The following VPS13C variants were observed in gnomAD, a reference collection of about 807,000 sequenced individuals.
VPS13C encodes the protein vacuolar protein sorting 13 homolog C.
Under a neutral mutation model 456.8 loss-of-function variants are expected in VPS13C, and 358 were observed. The observed-to-expected ratio is 0.78, with a 90% CI of 0.72 to 0.86. VPS13C has a LOEUF of 0.86. VPS13C is among the 40% of genes least tolerant of loss of function. VPS13C has a pLI of 0.00. For missense variants in VPS13C, 4,818 were observed against 4,385.4 expected (o/e 1.10, Z -2.79); for synonymous variants, 1,578 against 1,486.7 (o/e 1.06, Z -1.41).
At chr15:61,983,783 T>C (rs1567073325) in intron 20 of VPS13C, 37 bp downstream of exon 20, 1 of 1,590,138 alleles carries the variant, frequency 6.3e-7, no homozygotes, top group African/African-American at 1.3e-5. Flanking sequence ...AAGCATAAGA[T>C]GATTTAAATA....
intron 66 of VPS13C, among the ~76,000 whole-genome samples, chr15:61,894,317 A>T (rs924715059): frequency 6.6e-6 from 1 of 151,128 alleles, no homozygotes; most frequent in Non-Finnish European, 1.5e-5. Context: ...CAAAACAAAA[A>T]GCAGAAAAAA....
At chr15:62,006,528 A>T (rs1005944358) in intron 15 of VPS13C, among the ~76,000 whole-genome samples, 2 of 152,132 alleles carry the variant, frequency 1.3e-5, no homozygotes, top group African/African-American at 4.8e-5. Context: ...GATTGGTTCC[A>T]AGTCTTTGCT....
intron 67 of VPS13C, among the ~76,000 whole-genome samples, chr15:61,887,698 A>AATAC (rs980183112): frequency 2.6e-5 from 4 of 152,124 alleles, no homozygotes; most frequent in African/African-American, 9.7e-5. Flanking sequence ...CTCAAAAATA[A>AATAC]ATACATACAT....
rs75399769 is a variant in VPS13C, at chr15:62,038,040, G to T, written c.188-2988C>A. Reference sequence around the variant, plus strand: ...TACAGAATATTGAATAAAGAAAAAAGTGATATAGCGTAATAGCAGGGTGAT... The same window carrying T: ...TACAGAATATTGAATAAAGAAAAAATTGATATAGCGTAATAGCAGGGTGAT... On this transcript the variant is annotated intron_variant, in intron 3 of 84. Transcript: ENST00000644861. Among the ~76,000 whole-genome samples, 1,489 of 152,202 alleles carry T rather than the reference G, an allele frequency of 9.8e-3. 9 individuals are homozygous for T. Among genetic ancestry groups the T allele is most frequent in the Non-Finnish European group, 0.017 (1,126 of 67,998 alleles).
chr15:62,029,973 A>T lies in VPS13C; in HGVS notation c.386-1553T>A, dbSNP rs76798397. Among the ~76,000 whole-genome samples, 140 of 152,236 alleles carry T rather than the reference A, an allele frequency of 9.2e-4. 3 individuals are homozygous for T. In the East Asian group the frequency reaches 0.027, roughly 29 times the overall value. On this transcript the variant is annotated intron_variant, in intron 5 of 84. Coordinates refer to ENST00000644861, the MANE Select transcript of VPS13C (RefSeq NM_020821.3). ...AGGAAACAAAAAAGGCAAAGGACCCAGGAAACAGGGAATTAAACATAGACG... is the reference window on the plus strand; with the variant it reads ...AGGAAACAAAAAAGGCAAAGGACCCTGGAAACAGGGAATTAAACATAGACG...
rs754570386 is a variant in VPS13C, at chr15:62,044,273, A to G, written c.101-18T>C. On this transcript the variant is annotated intron_variant, in intron 1 of 84. Coordinates refer to ENST00000644861, the MANE Select transcript of VPS13C (RefSeq NM_020821.3). ...CACATTTCCTTTAAAAAAAGAAAAC[A>G]AAGAAAAATATTACTATAACATACC... 7.0e-7 allele frequency: 1 copy of G among 1,419,442 alleles called. No individual in the cohort carries two copies. Among genetic ancestry groups the G allele is most frequent in the African/African-American group, 1.4e-5 (1 of 69,458 alleles). The allele number at this position is 1,419,442 out of a possible 1,614,324, so 87.9% of individuals were successfully genotyped here.
intron 58 of VPS13C, among the ~76,000 whole-genome samples, chr15:61,918,687 C>G (rs1368989238): frequency 6.6e-6 from 1 of 151,898 alleles, no homozygotes; most frequent in African/African-American, 2.4e-5. Flanking sequence ...AAATAACAAA[C>G]TATAAGATAA....
chr15:62,008,872 G>T (rs1294153303), intron 13 of VPS13C, 111 bp from the exon 14 acceptor site: 2 of 498,798 alleles, frequency 4.0e-6, no homozygotes, highest in East Asian at 3.4e-5. Flanking sequence ...GAACAATGTT[G>T]CCTGGTAGTC....
Position 61,929,504 on chromosome 15 carries a change from T to C in VPS13C, c.6283A>G (p.Lys2095Glu). The change falls in exon 51 of 85, where the codon AAA becomes GAA. Residue 2095 changes from lysine to glutamate, a missense_variant. Lys to Glu is a moderately conservative substitution (Grantham distance 56). Coordinates refer to ENST00000644861, the MANE Select transcript of VPS13C (RefSeq NM_020821.3). ...ATGACAGATAAATTCTGCTAACCTT[T>C]CTCTATCTTGACCTTCCCTGTGGCA... ...QTATGKVKIE[K>E]DDSVRPNMTL... 6.2e-7 allele frequency: 1 copy of C among 1,613,130 alleles called. No individual in the cohort carries two copies. The highest frequency in any genetic ancestry group is 8.5e-7 in the Non-Finnish European group (1 of 1,179,176).
chr15:61,861,928 C>T (rs547471247), intron 82 of VPS13C, among the ~76,000 whole-genome samples: 7 of 152,078 alleles, frequency 4.6e-5, no homozygotes, highest in African/African-American at 1.4e-4. Context: ...AACAAAACCC[C>T]GTCTCTAATA....
At position 61,913,313 on chromosome 15, in the gene VPS13C, G is replaced by A. The variant is rs1425679253; in HGVS notation, c.8548C>T (p.Leu2850=). The A allele has an allele frequency of 6.8e-6, 11 of 1,613,238 alleles. No homozygotes were observed. Among genetic ancestry groups the A allele is most frequent in the South Asian group, 2.2e-5 (2 of 91,044 alleles). ...TAAATAAGGAAGCAGAATCTTACCAGGTACTCCATATTGTTGGCAGGACAC... is the reference window on the plus strand; with the variant it reads ...TAAATAAGGAAGCAGAATCTTACCAAGTACTCCATATTGTTGGCAGGACAC... The part of the protein sequence containing the change: ...VKCPANNMEY[L]VGVSIKMSSF... The change falls in exon 62 of 85, where the codon CTG becomes TTG. Residue 2850 remains leucine (L), a splice_region_variant and synonymous_variant. Transcript: ENST00000644861.
intron 1 of VPS13C, among the ~76,000 whole-genome samples, chr15:62,055,234 C>CT (rs111700043): frequency 0.082 from 12,083 of 148,164 alleles, 1,011 homozygotes; most frequent in African/African-American, 0.22. Flanking sequence ...CCTTCTCAAC[C>CT]TTTTTTTTTT....
At chr15:61,869,452 T>G in intron 80 of VPS13C, 48 bp downstream of exon 80, 1 of 1,595,018 alleles carries the variant, frequency 6.3e-7, no homozygotes, top group Non-Finnish European at 8.6e-7. Flanking sequence ...TTCCTTGTAA[T>G]AATTAGCACA....
chr15:62,032,408 G>C (rs2047849960), intron 5 of VPS13C, among the ~76,000 whole-genome samples: 1 of 151,636 alleles, frequency 6.6e-6, no homozygotes, highest in Admixed American at 6.6e-5. Context: ...GAAAATAAGA[G>C]AAAAAATGTT....
intron 55 of VPS13C, 113 bp from the exon 56 acceptor site, chr15:61,920,760 A>G (rs752175233): frequency 1.4e-5 from 13 of 948,288 alleles, no homozygotes; most frequent in African/African-American, 1.7e-5. Context: ...GCTTCGCAAA[A>G]GTCTTATTTT....
At chr15:61,953,649 T>C (rs977344107) in intron 38 of VPS13C, among the ~76,000 whole-genome samples, 1 of 152,084 alleles carries the variant, frequency 6.6e-6, no homozygotes, top group African/African-American at 2.4e-5. Flanking sequence ...TGTTGGACAT[T>C]TGGGTTGGTT....
chr15:61,966,199 C>G, intron 29 of VPS13C, 57 bp from the exon 30 acceptor site: 7 of 1,190,206 alleles, frequency 5.9e-6, no homozygotes, highest in Non-Finnish European at 8.4e-6. Context: ...AAATAAATCA[C>G]TTATTTATTA....
intron 57 of VPS13C, 88 bp from the exon 58 acceptor site, chr15:61,919,537 G>A: frequency 7.9e-7 from 1 of 1,268,982 alleles, no homozygotes; most frequent in Non-Finnish European, 1.0e-6. Flanking sequence ...AAATAATGAA[G>A]AGTATTTTTC....
Position 62,013,167 on chromosome 15 carries a change from A to G in VPS13C, c.745-48T>C, listed in dbSNP as rs534071615. The G allele has an allele frequency of 3.7e-6, 5 of 1,364,440 alleles. No homozygotes were observed. In the African/African-American group the frequency reaches 7.3e-5, roughly 20 times the overall value. The allele number at this position is 1,364,440 out of a possible 1,614,324, so 84.5% of individuals were successfully genotyped here. A position where few individuals can be genotyped will look rare whatever the true frequency, so the allele number is the denominator to read the frequency against. On this transcript the variant is annotated intron_variant, in intron 10 of 84. Transcript: ENST00000644861. ...ATCAGGCAATCAACACACTGAAATT[A>G]TGAATCAATATTAAAAGATTATTCT...
Sources: allele counts gnomAD v4.1 joint callset (sites outside exome capture counted in the v4.1 genomes callset), GRCh38; gene constraint gnomAD v4.1.1; transcripts MANE v1.5; gene names NCBI Gene and HGNC (gene_info 2026-07-23, HGNC 2026-07-21).